The following PLCB1 variants were observed in gnomAD, a reference collection of about 807,000 sequenced individuals.
The protein encoded by PLCB1 is phospholipase C beta 1.
In PLCB1, 46 loss-of-function variants were observed where a neutral mutation model predicts 161.8. The ratio of observed to expected loss-of-function variants is 0.28; its 90% CI spans 0.22 to 0.36. The LOEUF is 0.36. PLCB1 is among the 10% of genes least tolerant of loss of function. The pLI, the probability that PLCB1 is intolerant of heterozygous loss-of-function variation, is 1.00. For missense variants in PLCB1, 1,016 were observed against 1,472.5 expected (o/e 0.69, Z 5.07); for synonymous variants, 517 against 503.7 (o/e 1.03, Z -0.35).
intron 2 of PLCB1, among the ~76,000 whole-genome samples, chr20:8,161,139 A>G (rs192996433): frequency 1.2e-3 from 182 of 152,116 alleles, no homozygotes; most frequent in African/African-American, 4.1e-3. Flanking sequence ...TAGTCTGTAT[A>G]TTTATAGCAT....
intron 26 of PLCB1, among the ~76,000 whole-genome samples, chr20:8,772,649 C>T (rs1474958751): frequency 1.3e-5 from 2 of 152,112 alleles, no homozygotes; most frequent in Admixed American, 1.3e-4. Context: ...TAAGATCATT[C>T]AGGCCGGGCG....
At chr20:8,400,509 T>G (rs2122470494) in intron 3 of PLCB1, among the ~76,000 whole-genome samples, 1 of 152,336 alleles carries the variant, frequency 6.6e-6, no homozygotes, top group Admixed American at 6.5e-5. Flanking sequence ...ATTACAACTA[T>G]TAAAGGTTAT....
At chr20:8,462,847 C>A (rs1362640628) in intron 3 of PLCB1, among the ~76,000 whole-genome samples, 1 of 123,508 alleles carries the variant, frequency 8.1e-6, no homozygotes, top group South Asian at 2.5e-4. Flanking sequence ...CTGATCACCA[C>A]TCAGGCATGA....
chr20:8,360,597 A>G (rs932300278), intron 2 of PLCB1, among the ~76,000 whole-genome samples: 3 of 152,196 alleles, frequency 2.0e-5, no homozygotes, highest in Admixed American at 2.0e-4. Flanking sequence ...TGATTGACTC[A>G]GTGAATGTTC....
At chr20:8,360,232 C>T (rs145520147) in intron 2 of PLCB1, among the ~76,000 whole-genome samples, 181 of 152,336 alleles carry the variant, frequency 1.2e-3, no homozygotes, top group African/African-American at 3.8e-3. Flanking sequence ...GCTCTCTACA[C>T]ATCTGAGTGA....
At chr20:8,873,251 C>T (rs1337471377) in intron 31 of PLCB1, among the ~76,000 whole-genome samples, 1 of 152,158 alleles carries the variant, frequency 6.6e-6, no homozygotes, top group Non-Finnish European at 1.5e-5. Flanking sequence ...AAGCAAAATT[C>T]ATGAGATTAT....
chr20:8,774,866 C>A, intron 27 of PLCB1, 147 bp downstream of exon 27: 1 of 546,512 alleles, frequency 1.8e-6, no homozygotes, highest in South Asian at 3.7e-5. Flanking sequence ...GTGTCCATCA[C>A]ACTATTGTTT....
chr20:8,732,593 G>T (rs1204419775), intron 18 of PLCB1, among the ~76,000 whole-genome samples: 18 of 144,062 alleles, frequency 1.2e-4, no homozygotes, highest in Non-Finnish European at 2.5e-4. Flanking sequence ...TATTGTATTA[G>T]ATAGTGTATC....
At chr20:8,720,540 G>A (rs1568572674) in intron 14 of PLCB1, among the ~76,000 whole-genome samples, 1 of 152,198 alleles carries the variant, frequency 6.6e-6, no homozygotes, top group Non-Finnish European at 1.5e-5. Context: ...GCCCCTGTTG[G>A]CCAGATGCCT....
chr20:8,768,884 G>A (rs6039257), intron 26 of PLCB1, among the ~76,000 whole-genome samples: 48,832 of 152,034 alleles, frequency 0.32, 7,909 homozygotes, highest in Middle Eastern at 0.49. Flanking sequence ...AAATTCCCTC[G>A]TTAACTATCC....
chr20:8,789,377 T>C (rs1257326538), intron 29 of PLCB1, 141 bp from the exon 30 acceptor site: 1 of 648,284 alleles, frequency 1.5e-6, no homozygotes, highest in East Asian at 2.8e-5. Flanking sequence ...AAACCTTGTC[T>C]CCAATAAATA....
At chr20:8,550,993 T>C (rs1034767341) in intron 3 of PLCB1, among the ~76,000 whole-genome samples, 1 of 152,194 alleles carries the variant, frequency 6.6e-6, no homozygotes, top group Non-Finnish European at 1.5e-5. Context: ...ATTAAGACAT[T>C]GTATCCAATA....
chr20:8,665,580 CTCAA>C (rs766546294), intron 9 of PLCB1, among the ~76,000 whole-genome samples: 39 of 152,018 alleles, frequency 2.6e-4, no homozygotes, highest in Non-Finnish European at 5.0e-4. Context: ...TCCTTTCTGA[CTCAA>C]TCATTCTTTT....
At chr20:8,469,904 A>G (rs986812557) in intron 3 of PLCB1, among the ~76,000 whole-genome samples, 12 of 152,084 alleles carry the variant, frequency 7.9e-5, no homozygotes, top group African/African-American at 2.9e-4. Context: ...TCCAAAAGAA[A>G]CCCTGTCCCC....
chr20:8,740,352 T>C lies in PLCB1; in HGVS notation c.2317T>C (p.Tyr773His). 1 of 1,589,056 alleles carries C rather than the reference T, an allele frequency of 6.3e-7. No homozygotes were observed. Among genetic ancestry groups the C allele is most frequent in the African/African-American group, 1.3e-5 (1 of 74,400 alleles). The change falls in exon 22 of 32, where the codon TAT becomes CAT. Residue 773 changes from tyrosine (Y) to histidine (H), a missense_variant. This residue lies in a region of PLCB1 where 75 missense variants were observed against 117.0 expected (regional missense o/e 0.64). Transcript: ENST00000338037. ...TTATTCTCACCTTCCAGGCTATCACTATATCTGTCTAAGGAATGAAAGGAA... is the reference window on the plus strand; with the variant it reads ...TTATTCTCACCTTCCAGGCTATCACCATATCTGTCTAAGGAATGAAAGGAA... Reference protein sequence around the residue: ...PVQAIRPGYHYICLRNERNQP... With the variant: ...PVQAIRPGYHHICLRNERNQP...
intron 22 of PLCB1, among the ~76,000 whole-genome samples, chr20:8,740,976 T>G (rs1980850314): frequency 6.6e-6 from 1 of 152,192 alleles, no homozygotes; most frequent in South Asian, 2.1e-4. Flanking sequence ...GCACTGCCCT[T>G]CAAATAACTA....
chr20:8,157,393 A>T (rs1483201632), intron 2 of PLCB1, among the ~76,000 whole-genome samples: 3 of 152,016 alleles, frequency 2.0e-5, no homozygotes, highest in Admixed American at 2.0e-4. Context: ...GCATCAGGCC[A>T]CTCCTCTTCC....
chr20:8,513,077 T>A lies in PLCB1; in HGVS notation c.247-115217T>A, dbSNP rs1433919236. Among the ~76,000 whole-genome samples, 3 of 152,230 alleles carry A rather than the reference T, an allele frequency of 2.0e-5. No homozygotes were observed. The East Asian group carries it at 5.8e-4, about 29-fold the overall frequency. ...TCTGTGCCTGGCTTATTTTACTTAG[T>A]ATAATGGCTTCATTTTTTTAAAATG... On this transcript the variant is annotated intron_variant, in intron 3 of 31. Coordinates refer to ENST00000338037, the MANE Select transcript of PLCB1 (RefSeq NM_015192.4).
intron 3 of PLCB1, among the ~76,000 whole-genome samples, chr20:8,425,422 T>C (rs1404919432): frequency 6.6e-6 from 1 of 152,136 alleles, no homozygotes; most frequent in Non-Finnish European, 1.5e-5. Context: ...CTCAATCATG[T>C]TATCTATGGC....
Sources: allele counts gnomAD v4.1 joint callset (sites outside exome capture counted in the v4.1 genomes callset), GRCh38; gene constraint gnomAD v4.1.1; regional missense constraint gnomAD v4.1.1; transcripts MANE v1.5; gene names NCBI Gene and HGNC (gene_info 2026-07-23, HGNC 2026-07-21).